NT5C1B: variants seen among roughly 807,000 people sequenced by gnomAD.
NT5C1B encodes the protein cytosolic 5'-nucleotidase 1B.
In NT5C1B, 44 loss-of-function variants were observed where a neutral mutation model predicts 57.8. The observed-to-expected ratio is 0.76, with a 90% CI of 0.60 to 0.98. The LOEUF is 0.98. NT5C1B is among the 50% of genes least tolerant of loss of function. The pLI is 0.00. For synonymous variants in NT5C1B, 284 were observed against 282.6 expected, an observed-to-expected ratio of 1.00 and a Z score of -0.05; for missense variants, 742 against 719.5, an observed-to-expected ratio of 1.03 and a Z score of -0.36.
chr2:18,584,072 A>T lies in NT5C1B; in HGVS notation c.891+16T>A, dbSNP rs1159338796. 6.2e-7 allele frequency: 1 copy of T among 1,614,172 alleles called. No homozygotes were observed. Among genetic ancestry groups the T allele is most frequent in the East Asian group, 2.2e-5 (1 of 44,860 alleles). On this transcript the variant is annotated intron_variant, in intron 5 of 8. Coordinates refer to ENST00000304081, the Ensembl canonical transcript of NT5C1B. This position sits in a 1 kb window ranked among gnomAD's most constrained non-coding sequence, Gnocchi z 5.8. ...CATCGAGTGTCCTGGCGGGCCAAAG[A>T]CAGCTTGCAGAATACCTTGACGAAG...
intron 8 of NT5C1B, among the ~76,000 whole-genome samples, chr2:18,573,472 A>G (rs1665394186): frequency 1.3e-5 from 2 of 152,082 alleles, no homozygotes; most frequent in African/African-American, 4.8e-5. Flanking sequence ...ACAAACATAC[A>G]CACACACACT....
At chr2:18,568,743 A>G (rs1013279135) in intron 8 of NT5C1B, among the ~76,000 whole-genome samples, 1 of 152,190 alleles carries the variant, frequency 6.6e-6, no homozygotes. Flanking sequence ...AGATAACTAC[A>G]TATCTGATTG....
At position 18,584,265 on chromosome 2, in the gene NT5C1B, G is replaced by C. The variant is rs769866177; in HGVS notation, c.724-10C>G. On this transcript the variant is annotated splice_polypyrimidine_tract_variant and intron_variant, in intron 4 of 8. Transcript: ENST00000304081. This position sits in a 1 kb window ranked among gnomAD's most constrained non-coding sequence, Gnocchi z 5.8. ...CGTTCTTGGGTTTGGGCTGCAGAGA[G>C]GGACGCCAAAGGGAGGATAGTCACA... 70 of 1,611,928 alleles carry C rather than the reference G, an allele frequency of 4.3e-5. No homozygotes were observed. Among genetic ancestry groups the C allele is most frequent in the Non-Finnish European group, 5.4e-5 (64 of 1,178,578 alleles).
rs558995771 is a variant in NT5C1B at position 18,564,058 on chromosome 2, T to C, written c.1391A>G (p.Asn464Ser). The C allele has an allele frequency of 1.2e-6, 2 of 1,609,648 alleles. No homozygotes were observed. Among genetic ancestry groups the C allele is most frequent in the Non-Finnish European group, 1.7e-6 (2 of 1,177,562 alleles). Reference sequence around the variant, plus strand: ...CCTGATAGGACAAAGTAACCGTTCATTTTTGGCATAGAACTTCTTTTGCAG... The same window carrying C: ...CCTGATAGGACAAAGTAACCGTTCACTTTTGGCATAGAACTTCTTTTGCAG... Residue 464 changes from asparagine (N) to serine (S), a missense_variant, in exon 9 of 9, where the codon AAT becomes AGT. Physicochemically the swap from Asn to Ser is conservative, Grantham distance 46 (BLOSUM62 1). Transcript: ENST00000304081.
In NT5C1B at chr2:18,584,284, A is replaced by G. The variant is rs1173712039; in HGVS notation, c.724-29T>C. The G allele has an allele frequency of 6.2e-7, 1 of 1,607,438 alleles. No homozygotes were observed. The highest frequency in any genetic ancestry group is 1.7e-5 in the Admixed American group (1 of 59,758). ...CAGAGAGGGACGCCAAAGGGAGGAT[A>G]GTCACATAGCCACGAAGAGGACAGG... On this transcript the variant is annotated intron_variant, in intron 4 of 8. Coordinates refer to ENST00000304081, the Ensembl canonical transcript of NT5C1B. This position sits in a 1 kb window ranked among gnomAD's most constrained non-coding sequence, Gnocchi z 5.8.
chr2:18,580,888 T>C (rs925931059), intron 6 of NT5C1B, among the ~76,000 whole-genome samples: 5 of 152,142 alleles, frequency 3.3e-5, no homozygotes, highest in African/African-American at 1.2e-4. Flanking sequence ...AGCTAAACAT[T>C]GAGTACACAT....
At chr2:18,589,473 T>G (rs1277752647) in exon 1 of NT5C1B, 8 of 1,614,056 alleles carry the variant, frequency 5.0e-6, no homozygotes, top group Non-Finnish European at 6.8e-6. Context: ...ACTCATTTTT[T>G]TACCTGTTGA....
chr2:18,586,317 G>C, exon 3 of NT5C1B: 4 of 1,614,070 alleles, frequency 2.5e-6, no homozygotes, highest in Non-Finnish European at 3.4e-6. Flanking sequence ...ATGGGCTCCG[G>C]GATATTCTAG....
intron 8 of NT5C1B, among the ~76,000 whole-genome samples, chr2:18,573,940 G>T (rs552466283): frequency 1.3e-5 from 2 of 152,160 alleles, no homozygotes; most frequent in East Asian, 3.9e-4. Context: ...TGTTTAATGG[G>T]AGAAAAAGGC....
At chr2:18,586,225 C>A in intron 3 of NT5C1B, 29 bp downstream of exon 3, 1 of 1,609,990 alleles carries the variant, frequency 6.2e-7, no homozygotes, top group Non-Finnish European at 8.5e-7. Context: ...ATTCTATCAT[C>A]TACTACTCCC....
chr2:18,586,517 A>G (rs1666725892), intron 2 of NT5C1B, 126 bp from the exon 3 acceptor site: 8 of 1,397,036 alleles, frequency 5.7e-6, no homozygotes, highest in South Asian at 1.4e-5. Context: ...CCTGGCCTCA[A>G]TGACTCTTAA....
chr2:18,585,258 C>G (rs1666594117), intron 3 of NT5C1B: 1 of 704,176 alleles, frequency 1.4e-6, no homozygotes, highest in Middle Eastern at 2.5e-4. Flanking sequence ...CAGTCCTCTT[C>G]CTCCCCCTTA....
rs377519180 is a variant in NT5C1B, at chr2:18,584,394, G to A, written c.723+120C>T. ...GGATGCTGGAGACAGCTGAGGCTGGGACTCCCCGAAGTTTGGGGAGGAGAA... is the reference window on the plus strand; with the variant it reads ...GGATGCTGGAGACAGCTGAGGCTGGAACTCCCCGAAGTTTGGGGAGGAGAA... On this transcript the variant is annotated intron_variant, in intron 4 of 8. Transcript: ENST00000304081. The surrounding 1 kb of genome is among the most constrained non-coding windows in gnomAD (Gnocchi z 5.8). 9 of 1,525,400 alleles carry A rather than the reference G, an allele frequency of 5.9e-6. No individual in the cohort carries two copies. The highest frequency in any genetic ancestry group is 2.3e-5 in the East Asian group (1 of 42,906). 94.5% of individuals were successfully genotyped at this position (1,525,400 alleles called of 1,614,324 possible).
intron 2 of NT5C1B, chr2:18,587,248 C>G: frequency 6.6e-7 from 1 of 1,524,534 alleles, no homozygotes; most frequent in Non-Finnish European, 8.8e-7. Flanking sequence ...AAAGACCAGT[C>G]TCCCCCCTGT....
In NT5C1B at chr2:18,584,390, C is replaced by T. The variant is rs920977087; in HGVS notation, c.723+124G>A. The T allele has an allele frequency of 1.3e-6, 2 of 1,529,502 alleles. No individual in the cohort carries two copies. Among genetic ancestry groups the T allele is most frequent in the Non-Finnish European group, 1.8e-6 (2 of 1,139,244 alleles). 94.7% of individuals were successfully genotyped at this position (1,529,502 alleles called of 1,614,324 possible). ...AGCGGGATGCTGGAGACAGCTGAGGCTGGGACTCCCCGAAGTTTGGGGAGG... is the reference window on the plus strand; with the variant it reads ...AGCGGGATGCTGGAGACAGCTGAGGTTGGGACTCCCCGAAGTTTGGGGAGG... On this transcript the variant is annotated intron_variant, in intron 4 of 8. Transcript: ENST00000304081. The surrounding 1 kb of genome is among the most constrained non-coding windows in gnomAD (Gnocchi z 5.8).
intron 6 of NT5C1B, among the ~76,000 whole-genome samples, chr2:18,581,764 C>G (rs1169839853): frequency 1.3e-5 from 2 of 152,042 alleles, no homozygotes; most frequent in Non-Finnish European, 2.9e-5. Flanking sequence ...CACTGAGGAG[C>G]CTGGCATGTA....
At chr2:18,566,992 ACAAGCAATT>A (rs1285166100) in intron 8 of NT5C1B, among the ~76,000 whole-genome samples, 1 of 152,220 alleles carries the variant, frequency 6.6e-6, no homozygotes, top group South Asian at 2.1e-4. Flanking sequence ...ACAAGCAAGT[ACAAGCAATT>A]CAAGTAATTT....
chr2:18,571,751 TATATATATATATATG>T, intron 8 of NT5C1B, among the ~76,000 whole-genome samples: 1 of 89,932 alleles, frequency 1.1e-5, no homozygotes. Context: ...TATATATATA[TATATATATATATATG>T]TTAATTTTAA....
At chr2:18,582,506 CAA>C (rs1245299710) in intron 6 of NT5C1B, among the ~76,000 whole-genome samples, 2 of 152,198 alleles carry the variant, frequency 1.3e-5, no homozygotes, top group African/African-American at 4.8e-5. Context: ...ACCTTTAACA[CAA>C]ATCTGTGGTG....
Sources: allele counts gnomAD v4.1 joint callset (sites outside exome capture counted in the v4.1 genomes callset), GRCh38; gene constraint gnomAD v4.1.1; non-coding constraint Gnocchi (gnomAD v3.1); transcripts MANE v1.5; gene names NCBI Gene and HGNC (gene_info 2026-07-23, HGNC 2026-07-21).